The following ASIC2 variants were observed in gnomAD, a reference collection of about 807,000 sequenced individuals.
The protein encoded by ASIC2 is acid sensing ion channel subunit 2.
ASIC2 carries 25 observed loss-of-function variants against 57.3 expected under a neutral mutation model. The observed-to-expected ratio is 0.44, with a 90% CI of 0.32 to 0.61. The LOEUF (loss-of-function observed/expected upper bound fraction) is 0.61. ASIC2 is among the 20% of genes least tolerant of loss of function. The pLI is 0.06. For missense variants in ASIC2, 641 were observed against 738.1 expected, an observed-to-expected ratio of 0.87 and a Z score of 1.52; for synonymous variants, 319 against 307.5, an observed-to-expected ratio of 1.04 and a Z score of -0.39.
At chr17:33,913,145 G>C (rs1915505131) in intron 1 of ASIC2, among the ~76,000 whole-genome samples, 1 of 151,648 alleles carries the variant, frequency 6.6e-6, no homozygotes, top group Non-Finnish European at 1.5e-5. Context: ...CTTTATTTGG[G>C]CTTACAAGGA....
intron 1 of ASIC2, among the ~76,000 whole-genome samples, chr17:33,656,941 A>C (rs280050): frequency 6.6e-6 from 1 of 152,242 alleles, no homozygotes; most frequent in Non-Finnish European, 1.5e-5. Flanking sequence ...GCCACTGAAA[A>C]GTGTCTTGAT....
chr17:33,610,758 G>T (rs887389540), intron 1 of ASIC2, among the ~76,000 whole-genome samples: 1 of 151,966 alleles, frequency 6.6e-6, no homozygotes, highest in African/African-American at 2.4e-5. Context: ...TTAACCAGGC[G>T]TGGTGGTACA....
rs2091882176 is a variant in ASIC2, at chr17:33,031,268, T to C, written c.988-2876A>G. On this transcript the variant is annotated intron_variant, in intron 3 of 9. Transcript: ENST00000225823. ...AGTTGTGTTTTTTCCCCAAGGAATT[T>C]GTTCATTTCATCTAGATTTTTGAAT... Among the ~76,000 whole-genome samples, 5 of 152,304 alleles carry C rather than the reference T, an allele frequency of 3.3e-5. No individual in the cohort carries two copies. The South Asian group carries it at 1.0e-3, about 32-fold the overall frequency.
intron 1 of ASIC2, chr17:34,006,559 G>A (rs893457812): frequency 2.0e-5 from 3 of 152,168 alleles, no homozygotes; most frequent in African/African-American, 7.2e-5. Flanking sequence ...TTTCTTAGGT[G>A]AGAGCCATTG....
chr17:33,082,925 C>G (rs1028393274), intron 3 of ASIC2, among the ~76,000 whole-genome samples: 4 of 152,116 alleles, frequency 2.6e-5, no homozygotes. Context: ...CCACTCTTAT[C>G]TACACAGATG....
chr17:33,175,064 C>G (rs958962140), intron 1 of ASIC2, among the ~76,000 whole-genome samples: 1 of 152,030 alleles, frequency 6.6e-6, no homozygotes, highest in East Asian at 1.9e-4. Context: ...AAGTTCTTTC[C>G]GACGAATAAA....
chr17:33,752,890 C>T (rs1193185132), intron 1 of ASIC2, among the ~76,000 whole-genome samples: 1 of 152,188 alleles, frequency 6.6e-6, no homozygotes, highest in Non-Finnish European at 1.5e-5. Context: ...GAAAGTTTGG[C>T]AGTTCCTTAT....
intron 1 of ASIC2, among the ~76,000 whole-genome samples, chr17:33,332,169 T>C (rs1907340141): frequency 6.6e-6 from 1 of 152,230 alleles, no homozygotes; most frequent in Non-Finnish European, 1.5e-5. Flanking sequence ...GAAGATTACC[T>C]TGGCCTCTGA....
intron 3 of ASIC2, 93 bp downstream of exon 3, chr17:33,088,770 G>T: frequency 1.4e-6 from 2 of 1,448,114 alleles, no homozygotes; most frequent in South Asian, 3.0e-5. Context: ...TAAAGCCCTT[G>T]ACCGAGTGGG....
intron 1 of ASIC2, among the ~76,000 whole-genome samples, chr17:33,598,720 A>G (rs1351934548): frequency 6.6e-6 from 1 of 152,190 alleles, no homozygotes; most frequent in African/African-American, 2.4e-5. Context: ...AGATCCTGAA[A>G]TTTCAGTGTT....
intron 3 of ASIC2, among the ~76,000 whole-genome samples, chr17:33,055,193 T>C (rs547089478): frequency 6.6e-6 from 1 of 152,360 alleles, no homozygotes; most frequent in Admixed American, 6.5e-5. Flanking sequence ...GGGCAACCCC[T>C]CCTTGCCAAA....
At chr17:33,551,801 C>T (rs543047498) in intron 1 of ASIC2, among the ~76,000 whole-genome samples, 1 of 152,290 alleles carries the variant, frequency 6.6e-6, no homozygotes, top group Admixed American at 6.5e-5. Context: ...CAGCATGGCT[C>T]TTCTGACTCT....
At chr17:33,515,791 C>T (rs374903811) in intron 1 of ASIC2, among the ~76,000 whole-genome samples, 4 of 152,140 alleles carry the variant, frequency 2.6e-5, no homozygotes, top group African/African-American at 2.4e-5. Flanking sequence ...TCCTGACCTC[C>T]GTCCTGTTCT....
chr17:33,714,985 T>TTTATTATTATTA (rs71364615), intron 1 of ASIC2, among the ~76,000 whole-genome samples: 5,678 of 142,152 alleles, frequency 0.04, 181 homozygotes, highest in African/African-American at 0.09. Context: ...GCCAGGCTAA[T>TTTATTATTATTA]TTATTATTAT....
At chr17:33,030,821 T>C (rs1411887949) in intron 3 of ASIC2, among the ~76,000 whole-genome samples, 2 of 152,130 alleles carry the variant, frequency 1.3e-5, no homozygotes, top group African/African-American at 2.4e-5. Context: ...TTGATTGATC[T>C]GAAGAAGCTG....
At chr17:33,534,777 G>T (rs1241874829) in intron 1 of ASIC2, among the ~76,000 whole-genome samples, 1 of 152,186 alleles carries the variant, frequency 6.6e-6, no homozygotes, top group Non-Finnish European at 1.5e-5. Context: ...GCACCTCTAA[G>T]CTATAAATCC....
intron 1 of ASIC2, among the ~76,000 whole-genome samples, chr17:33,547,161 A>G (rs1046616166): frequency 3.9e-5 from 6 of 152,126 alleles, no homozygotes; most frequent in African/African-American, 1.2e-4. Flanking sequence ...TGCTGTTGAT[A>G]TAGGAACTAC....
At chr17:33,192,845 G>T (rs1906480837) in intron 1 of ASIC2, among the ~76,000 whole-genome samples, 1 of 152,084 alleles carries the variant, frequency 6.6e-6, no homozygotes, top group African/African-American at 2.4e-5. Context: ...TAATAAAGCT[G>T]ATATATTGTT....
At chr17:33,842,661 T>G (rs1343819453) in intron 1 of ASIC2, among the ~76,000 whole-genome samples, 1 of 152,208 alleles carries the variant, frequency 6.6e-6, no homozygotes, top group Non-Finnish European at 1.5e-5. Flanking sequence ...TGTCTTGTCC[T>G]GTCCTGGTCA....
Sources: gnomAD v4.1 joint callset for allele counts (sites outside exome capture counted in the v4.1 genomes callset) on GRCh38, gnomAD v4.1.1 for gene constraint, MANE v1.5 for transcripts, NCBI Gene and HGNC (gene_info 2026-07-23, HGNC 2026-07-21) for gene names.